The following ABCA2 variants were observed in gnomAD, a reference collection of about 807,000 sequenced individuals.
ABCA2 encodes ATP binding cassette subfamily A member 2, also known as ATP-binding cassette sub-family A member 2.
Under a neutral mutation model 262.8 loss-of-function variants are expected in ABCA2, and 84 were observed. The ratio of observed to expected loss-of-function variants is 0.32; its 90% CI spans 0.27 to 0.38. The LOEUF (loss-of-function observed/expected upper bound fraction) is 0.38. Ranked by LOEUF, ABCA2 falls within the 10% of genes least tolerant of loss-of-function variation. ABCA2 has a pLI of 1.00. For synonymous variants in ABCA2, 1,696 were observed against 1,502.9 expected (o/e 1.13, Z -2.97); for missense variants, 2,662 against 3,405.9 (o/e 0.78, Z 5.44).
chr9:137,020,595 G>T (rs1415242763), intron 9 of ABCA2, 99 bp downstream of exon 9: 5 of 1,552,084 alleles, frequency 3.2e-6, no homozygotes, highest in Non-Finnish European at 2.6e-6. Flanking sequence ...GCACAGGGCA[G>T]GGCGCCAAAT....
At position 137,011,597 on chromosome 9, in the gene ABCA2, C is replaced by T; in HGVS notation, c.5651+37G>A. The T allele has an allele frequency of 6.4e-7, 1 of 1,556,940 alleles. No individual in the cohort carries two copies. The highest frequency in any genetic ancestry group is 1.2e-5 in the South Asian group (1 of 84,872). On this transcript the variant is annotated intron_variant, in intron 36 of 48. Coordinates refer to ENST00000341511, the MANE Select transcript of ABCA2 (RefSeq NM_001606.5). The surrounding 1 kb of genome is among the most constrained non-coding windows in gnomAD (Gnocchi z 8.8). ...GCAGTGGTCACCAGGCAGCCCCGGT[C>T]CCACCTGAGGCCGCTCCCCCCTCCG...
chr9:137,013,178 G>C lies in ABCA2; in HGVS notation c.4691C>G (p.Ser1564Trp), dbSNP rs550140163. The change falls in exon 30 of 49, where the codon TCG becomes TGG. Residue 1564 changes from serine to tryptophan, a missense_variant. By Grantham distance (177) the Ser-to-Trp change is radical (BLOSUM62 -3). Around this residue, in one of 12 missense-constraint regions of ABCA2, gnomAD observed 192 missense variants for 207.2 expected, o/e 0.93. Coordinates refer to ENST00000341511, the MANE Select transcript of ABCA2 (RefSeq NM_001606.5). ...GPTLNLSSGE[S>W]RLLAARFFDS... ...GAAGAACCGAGCCGCCAGCAGGCGCGACTCCCCGCTGCTCAGGTTCAACGT... is the reference window on the plus strand; with the variant it reads ...GAAGAACCGAGCCGCCAGCAGGCGCCACTCCCCGCTGCTCAGGTTCAACGT... 2 of 1,600,340 alleles carry C rather than the reference G, an allele frequency of 1.2e-6. No homozygotes were observed. Among genetic ancestry groups the C allele is most frequent in the Non-Finnish European group, 1.7e-6 (2 of 1,175,536 alleles).
In ABCA2 at chr9:137,011,445, C is replaced by T. The variant is rs1233181555; in HGVS notation, c.5761G>A (p.Val1921Met). 11 of 1,610,992 alleles carry T rather than the reference C, an allele frequency of 6.8e-6. No homozygotes were observed. Among genetic ancestry groups the T allele is most frequent in the East Asian group, 2.2e-5 (1 of 44,852 alleles). The part of the protein sequence containing the change: ...INLFIGITAT[V>M]ATFLLQLFEH... Reference sequence around the variant, plus strand: ...AAGAGCTGTAGCAGGAAGGTGGCCACGGTGGCGGTGATGCCGATGAAGAGA... The same window carrying T: ...AAGAGCTGTAGCAGGAAGGTGGCCATGGTGGCGGTGATGCCGATGAAGAGA... The change falls in exon 37 of 49, where the codon GTG (valine) becomes ATG (methionine). Residue 1921 changes from valine to methionine, a missense_variant. Physicochemically the swap from Val to Met is conservative, Grantham distance 21. This residue lies in a region of ABCA2 where 602 missense variants were observed against 897.4 expected (regional missense o/e 0.67). Coordinates refer to ENST00000341511, the MANE Select transcript of ABCA2 (RefSeq NM_001606.5). The surrounding 1 kb of genome is among the most constrained non-coding windows in gnomAD (Gnocchi z 8.8).
In ABCA2 at chr9:137,010,945, C is replaced by T. The variant is rs1831018394; in HGVS notation, c.6056+28G>A. On this transcript the variant is annotated intron_variant, in intron 39 of 48. Coordinates refer to ENST00000341511, the MANE Select transcript of ABCA2 (RefSeq NM_001606.5). ...CGAACCCATCCCTGCTCCCGCCCCG[C>T]CCCCGCCCCACCCCGCCCCCCACTC... 9.7e-6 allele frequency: 7 copies of T among 723,418 alleles called. No homozygotes were observed. In the East Asian group the frequency reaches 1.8e-4, roughly 19 times the overall value. 44.8% of individuals were successfully genotyped at this position (723,418 alleles called of 1,614,324 possible).
rs754412530 is a variant in ABCA2, at chr9:137,008,892, C to T, written c.6931-24G>A. 5 of 1,591,812 alleles carry T rather than the reference C, an allele frequency of 3.1e-6. No individual in the cohort carries two copies. The South Asian group carries it at 3.3e-5, about 11-fold the overall frequency. On this transcript the variant is annotated intron_variant, in intron 46 of 48. Coordinates refer to ENST00000341511, the MANE Select transcript of ABCA2 (RefSeq NM_001606.5). ...TCCTGCAGGGGGGGAGGTCAGAGGC[C>T]TGGCAGCGCCCCCCCACCCCGTAGC...
rs780303645 is a variant in ABCA2 at position 137,021,359 on chromosome 9, A to G, written c.897+33T>C. 2.5e-6 allele frequency: 4 copies of G among 1,594,034 alleles called. No individual in the cohort carries two copies. The highest frequency in any genetic ancestry group is 3.4e-6 in the Non-Finnish European group (4 of 1,174,484). On this transcript the variant is annotated intron_variant, in intron 8 of 48. Coordinates refer to ENST00000341511, the MANE Select transcript of ABCA2 (RefSeq NM_001606.5). The surrounding 1 kb of genome is among the most constrained non-coding windows in gnomAD (Gnocchi z 6.0). ...CCCTCCTTCAACTCAGGCAGCAAGC[A>G]GCGCAGCGGGCAGTGGGCAGGCAGG...
intron 28 of ABCA2, 64 bp from the exon 29 acceptor site, chr9:137,013,627 G>A (rs1042063930): frequency 6.7e-6 from 10 of 1,498,106 alleles, no homozygotes; most frequent in East Asian, 4.7e-5. Flanking sequence ...CCCAAGCCTC[G>A]GTCCCCTTCC....
Position 137,018,976 on chromosome 9 carries a change from C to T in ABCA2, c.1649G>A (p.Ser550Asn). ...CAGCTGCTGCAGGAGGGCCATGCCA[C>T]TGGGCAGCGAGAAGTTGTCCTGTCT... ...ALRQDNFSLP[S>N]GMALLQQLDT... The change falls in exon 12 of 49, where the codon AGT (serine) becomes AAT (asparagine). Residue 550 changes from serine (S) to asparagine (N), a missense_variant. Ser to Asn is a conservative substitution (Grantham distance 46, BLOSUM62 1). Around this residue, in one of 12 missense-constraint regions of ABCA2, gnomAD observed 187 missense variants for 205.9 expected, o/e 0.91. Transcript: ENST00000341511. 6.2e-7 allele frequency: 1 copy of T among 1,613,054 alleles called. No homozygotes were observed. The highest frequency in any genetic ancestry group is 1.1e-5 in the South Asian group (1 of 91,090).
intron 31 of ABCA2, 33 bp downstream of exon 31, chr9:137,012,679 C>A: frequency 6.2e-7 from 1 of 1,611,236 alleles, no homozygotes; most frequent in Non-Finnish European, 8.5e-7. Flanking sequence ...GGTGGCCGGC[C>A]ACCCTCACCC....
At position 137,020,321 on chromosome 9, in the gene ABCA2, C is replaced by T; in HGVS notation, c.1425+15G>A. ...ACTCTGCCTGTCAAACATGGAGCGT[C>T]CCAGACCCGTGCACCTTGAGGATGA... On this transcript the variant is annotated intron_variant, in intron 10 of 48. Transcript: ENST00000341511. The T allele has an allele frequency of 6.2e-7, 1 of 1,611,478 alleles. No individual in the cohort carries two copies. The highest frequency in any genetic ancestry group is 8.5e-7 in the Non-Finnish European group (1 of 1,179,936).
At chr9:137,009,336 G>GC in intron 45 of ABCA2, 34 bp downstream of exon 45, 2 of 391,356 alleles carry the variant, frequency 5.1e-6, no homozygotes, top group South Asian at 7.0e-5. Context: ...CCCCGGGCCC[G>GC]CCCCAGCCCA....
In ABCA2 at chr9:137,018,316, G is replaced by A. The variant is rs779705118; in HGVS notation, c.1855C>T (p.Pro619Ser). 4 of 1,605,462 alleles carry A rather than the reference G, an allele frequency of 2.5e-6. No homozygotes were observed. Among genetic ancestry groups the A allele is most frequent in the South Asian group, 1.1e-5 (1 of 90,590 alleles). The stretch of plus-strand genomic sequence containing the variant: ...CGGATCTTGTAGTGCACGTGAGGCG[G>A]GAGCGAGCCGTCCTTCCGGGTCTGG... ...IFQTRKDGSL[P>S]PHVHYKIRQN... Residue 619 changes from proline to serine, a missense_variant, in exon 14 of 49, where the codon CCG becomes TCG. Pro to Ser is a moderately conservative substitution (Grantham distance 74). Transcript: ENST00000341511.
intron 9 of ABCA2, 33 bp from the exon 10 acceptor site, chr9:137,020,528 G>C (rs184291767): frequency 7.7e-6 from 12 of 1,560,088 alleles, no homozygotes; most frequent in South Asian, 4.7e-5. Flanking sequence ...GGGCCAGGCC[G>C]TTAGGGGGCA....
rs1042063930 is a variant in ABCA2 at position 137,013,627 on chromosome 9, G to C, written c.4448-64C>G. ...CTCTGGCCAGCGGCCCCCAAGCCTC[G>C]GTCCCCTTCCCCCAACCCCAAGGGA... On this transcript the variant is annotated intron_variant, in intron 28 of 48. Transcript: ENST00000341511. The C allele has an allele frequency of 9.3e-6, 14 of 1,498,106 alleles. No homozygotes were observed. The Admixed American group carries it at 1.8e-4, about 19-fold the overall frequency. The allele number at this position is 1,498,106 out of a possible 1,614,324, so 92.8% of individuals were successfully genotyped here. A position where few individuals can be genotyped will look rare whatever the true frequency, so the allele number is the denominator to read the frequency against.
Position 137,013,268 on chromosome 9 carries a change from CG to C in ABCA2, c.4600del (p.Arg1534GlyfsTer24). 6.3e-7 allele frequency: 1 copy of C among 1,589,668 alleles called. No homozygotes were observed. Among genetic ancestry groups the C allele is most frequent in the Non-Finnish European group, 8.5e-7 (1 of 1,173,492 alleles). ...ASPQQLVSTF[R>X]LPSGVGATCV... is the part of the protein sequence containing the mutation. ...GGTGGCACCCACCCCCGACGGCAGC[CG>C]GAACGTGCTCACGAGCTGCTGGGGG... On this transcript the variant is annotated frameshift_variant, in exon 30 of 49. Transcript: ENST00000341511. LOFTEE classifies it high-confidence loss of function.
chr9:137,012,222 C>CCCCTCCA, intron 33 of ABCA2, 43 bp downstream of exon 33: 1 of 1,560,968 alleles, frequency 6.4e-7, no homozygotes, highest in Non-Finnish European at 8.8e-7. Flanking sequence ...GCCCCGGCCC[C>CCCCTCCA]AGCTCCTCCC....
At chr9:137,022,161 T>A (rs1229375162) in intron 6 of ABCA2, among the ~76,000 whole-genome samples, 160 bp from the exon 7 acceptor site, 193 of 11,718 alleles carry the variant, frequency 0.016, 3 homozygotes, top group African/African-American at 0.065. Flanking sequence ...GGCTCCGATG[T>A]AGGTGTGGGG....
chr9:137,007,749 A>C lies in ABCA2; in HGVS notation c.*180T>G. 11 of 820,686 alleles carry C rather than the reference A, an allele frequency of 1.3e-5. No homozygotes were observed. The highest frequency in any genetic ancestry group is 2.1e-5 in the Non-Finnish European group (11 of 517,240). 50.8% of individuals were successfully genotyped at this position (820,686 alleles called of 1,614,324 possible). A position where few individuals can be genotyped will look rare whatever the true frequency, so the allele number is the denominator to read the frequency against. ...AGCCTTTGGCACAATTAGGGGCGGCAACCGCAGTGACCACAGGGCATGGCC... is the reference window on the plus strand; with the variant it reads ...AGCCTTTGGCACAATTAGGGGCGGCCACCGCAGTGACCACAGGGCATGGCC... On this transcript the variant is annotated 3_prime_UTR_variant, in exon 49 of 49. Coordinates refer to ENST00000341511, the MANE Select transcript of ABCA2 (RefSeq NM_001606.5).
intron 27 of ABCA2, 46 bp from the exon 28 acceptor site, chr9:137,014,084 C>T: frequency 6.3e-7 from 1 of 1,598,330 alleles, no homozygotes; most frequent in Non-Finnish European, 8.5e-7. Flanking sequence ...ACGCTACCCT[C>T]TCCCTACTGG....
Sources: allele counts gnomAD v4.1 joint callset (sites outside exome capture counted in the v4.1 genomes callset), GRCh38; gene constraint gnomAD v4.1.1; regional missense constraint gnomAD v4.1.1; non-coding constraint Gnocchi (gnomAD v3.1); transcripts MANE v1.5; gene names NCBI Gene and HGNC (gene_info 2026-07-23, HGNC 2026-07-21).